The following XIRP2 variants were observed in gnomAD, a reference collection of about 807,000 sequenced individuals.
The protein encoded by XIRP2 is xin actin binding repeat containing 2.
Under a neutral mutation model 277.0 loss-of-function variants are expected in XIRP2, and 236 were observed. The observed-to-expected ratio is 0.85, with a 90% confidence interval of 0.77 to 0.95. The LOEUF (loss-of-function observed/expected upper bound fraction) is 0.95, where lower values mean the gene tolerates loss of function less well. Ranked by LOEUF, XIRP2 falls within the 40% of genes least tolerant of loss-of-function variation. XIRP2 has a pLI of 0.00. For synonymous variants in XIRP2, 1,490 were observed against 1,416.5 expected (o/e 1.05, Z -1.17); for missense variants, 4,640 against 4,157.5 (o/e 1.12, Z -3.19).
chr2:167,000,441 T>C (rs1249687598), intron 2 of XIRP2, among the ~76,000 whole-genome samples: 1 of 152,108 alleles, frequency 6.6e-6, no homozygotes, highest in Non-Finnish European at 1.5e-5. Context: ...TCTCTGAATG[T>C]CTTTTAAATT....
intron 2 of XIRP2, among the ~76,000 whole-genome samples, chr2:166,939,712 C>CA (rs1307297671): frequency 1.5e-4 from 19 of 131,010 alleles, no homozygotes; most frequent in Non-Finnish European, 3.0e-4. Flanking sequence ...AAAACAAAAA[C>CA]AAAAAACAAA....
chr2:167,250,102 A>C lies in XIRP2; in HGVS notation c.8710A>C (p.Ile2904Leu), dbSNP rs745486779. ...QEEKCLEVKG[I>L]QEKQVFSNTK... ...AGAAAAATGTCTCGAAGTCAAGGGC[A>C]TACAAGAGAAACAAGTCTTCTCTAA... Residue 2904 changes from isoleucine (I) to leucine (L), a missense_variant, in exon 9 of 11, where the codon ATA becomes CTA. Transcript: ENST00000409195. 1 of 1,613,408 alleles carries C rather than the reference A, an allele frequency of 6.2e-7. No individual in the cohort carries two copies. Among genetic ancestry groups the C allele is most frequent in the South Asian group, 1.1e-5 (1 of 91,028 alleles).
At chr2:166,907,793 T>C (rs1684568823) in intron 2 of XIRP2, among the ~76,000 whole-genome samples, 1 of 112,874 alleles carries the variant, frequency 8.9e-6, no homozygotes, top group Admixed American at 1.3e-4. Flanking sequence ...GGCCCCAGTG[T>C]GTGATGTTCC....
Position 167,258,543 on chromosome 2 carries a change from T to C in XIRP2, c.*726T>C, listed in dbSNP as rs551951399. ...CTTAATGACAACAATAATGTGATTGTGCAGAGTGCTGAAAAGGAGAAAAAT... is the reference window on the plus strand; with the variant it reads ...CTTAATGACAACAATAATGTGATTGCGCAGAGTGCTGAAAAGGAGAAAAAT... On this transcript the variant is annotated 3_prime_UTR_variant, in exon 11 of 11. Transcript: ENST00000409195. 1 of 1,613,122 alleles carries C rather than the reference T, an allele frequency of 6.2e-7. No homozygotes were observed. The highest frequency in any genetic ancestry group is 8.5e-7 in the Non-Finnish European group (1 of 1,179,554).
At chr2:167,169,078 C>T (rs1008931969) in intron 3 of XIRP2, among the ~76,000 whole-genome samples, 3 of 151,804 alleles carry the variant, frequency 2.0e-5, no homozygotes, top group Non-Finnish European at 2.9e-5. Flanking sequence ...AAAAGGAATG[C>T]TGTAAATGAA....
At chr2:167,144,972 A>C (rs1691823388) in intron 3 of XIRP2, among the ~76,000 whole-genome samples, 1 of 152,140 alleles carries the variant, frequency 6.6e-6, no homozygotes, top group Non-Finnish European at 1.5e-5. Flanking sequence ...GGAAGTTGGA[A>C]ACTATTTTTC....
intron 2 of XIRP2, among the ~76,000 whole-genome samples, chr2:166,926,728 T>C (rs1299300526): frequency 6.6e-6 from 1 of 152,098 alleles, no homozygotes; most frequent in East Asian, 1.9e-4. Flanking sequence ...TACAAAGAAA[T>C]ACAATTTCAT....
intron 2 of XIRP2, among the ~76,000 whole-genome samples, chr2:167,108,354 T>C (rs1173185898): frequency 6.6e-6 from 1 of 152,006 alleles, no homozygotes; most frequent in East Asian, 1.9e-4. Context: ...GTCTTTATTA[T>C]TACAGTCCTT....
chr2:167,132,798 T>A (rs543759815), intron 2 of XIRP2, among the ~76,000 whole-genome samples: 10 of 152,204 alleles, frequency 6.6e-5, no homozygotes, highest in Non-Finnish European at 1.0e-4. Context: ...CAGCTGAAGG[T>A]CGTTTCCCTG....
In XIRP2 at chr2:167,243,019, C is replaced by T. The variant is rs375908368; in HGVS notation, c.1627C>T (p.Arg543Trp). Residue 543 changes from arginine (R) to tryptophan (W), a missense_variant, in exon 9 of 11, where the codon CGG becomes TGG. Coordinates refer to ENST00000409195, the MANE Select transcript of XIRP2 (RefSeq NM_152381.6). ...AGTCTCAGCAGATGTGCAACAAGCC[C>T]GGTATGTTTTTGAAAACACAAATGA... ...SSVSADVQQA[R>W]YVFENTNDSS... The T allele has an allele frequency of 2.1e-5, 34 of 1,613,784 alleles. No homozygotes were observed. Among genetic ancestry groups the T allele is most frequent in the Admixed American group, 6.7e-5 (4 of 59,980 alleles).
intron 2 of XIRP2, among the ~76,000 whole-genome samples, chr2:167,042,071 T>A (rs1688671397): frequency 1.3e-5 from 2 of 152,182 alleles, no homozygotes; most frequent in South Asian, 4.1e-4. Flanking sequence ...TAACTAAGAA[T>A]TTCATATCCA....
intron 2 of XIRP2, among the ~76,000 whole-genome samples, chr2:166,934,860 A>T (rs527903645): frequency 0.023 from 3,168 of 139,888 alleles, 105 homozygotes; most frequent in African/African-American, 0.075. Context: ...TAAAAAAAAA[A>T]TTTTTTAAAA....
At chr2:166,955,618 C>G (rs951676244) in intron 2 of XIRP2, among the ~76,000 whole-genome samples, 1 of 151,670 alleles carries the variant, frequency 6.6e-6, no homozygotes, top group African/African-American at 2.4e-5. Context: ...AATTATCAAG[C>G]GTAGTTTGAA....
chr2:167,162,374 A>T (rs1366891802), intron 3 of XIRP2, among the ~76,000 whole-genome samples: 1 of 152,198 alleles, frequency 6.6e-6, no homozygotes, highest in African/African-American at 2.4e-5. Context: ...CATAAGAAAG[A>T]AGTTTAATGG....
chr2:167,090,774 C>A (rs1380626468), intron 2 of XIRP2, among the ~76,000 whole-genome samples: 1 of 152,038 alleles, frequency 6.6e-6, no homozygotes, highest in Non-Finnish European at 1.5e-5. Context: ...GGAACCAATC[C>A]ATTCCTGCAA....
At chr2:166,998,937 A>G (rs1687294688) in intron 2 of XIRP2, among the ~76,000 whole-genome samples, 1 of 152,140 alleles carries the variant, frequency 6.6e-6, no homozygotes, top group Non-Finnish European at 1.5e-5. Context: ...TTTATCTTTA[A>G]CAACTGAAAA....
chr2:166,911,994 C>T (rs1392507468), intron 2 of XIRP2, among the ~76,000 whole-genome samples: 3 of 152,206 alleles, frequency 2.0e-5, no homozygotes, highest in Admixed American at 1.3e-4. Flanking sequence ...GTCTGATGGG[C>T]TTCACTTTGT....
Position 167,250,733 on chromosome 2 carries a change from T to A in XIRP2, c.9341T>A (p.Leu3114Ter), listed in dbSNP as rs1559045066. 2.5e-6 allele frequency: 4 copies of A among 1,613,368 alleles called. No individual in the cohort carries two copies. The highest frequency in any genetic ancestry group is 3.4e-6 in the Non-Finnish European group (4 of 1,179,720). The change falls in exon 9 of 11, where the codon TTA (leucine) becomes TAA (stop). Residue 3114 changes from leucine to a stop codon, truncating the protein, a stop_gained. Coordinates refer to ENST00000409195, the MANE Select transcript of XIRP2 (RefSeq NM_152381.6). LOFTEE classifies it high-confidence loss of function. ...GATAGCAACATTCCTCCTCCCTCTT[T>A]AAAAACACGCCCACCGTCACCAACT... ...LDDSNIPPPS[L>*]KTRPPSPTFI...
At chr2:167,165,720 T>C (rs1262125042) in intron 3 of XIRP2, among the ~76,000 whole-genome samples, 2 of 152,232 alleles carry the variant, frequency 1.3e-5, no homozygotes, top group Non-Finnish European at 2.9e-5. Context: ...AGGCATTCTT[T>C]GTATATTTTG....
Sources: gnomAD v4.1 joint callset for allele counts (sites outside exome capture counted in the v4.1 genomes callset) on GRCh38, gnomAD v4.1.1 for gene constraint, MANE v1.5 for transcripts, NCBI Gene and HGNC (gene_info 2026-07-23, HGNC 2026-07-21) for gene names.